Variants in VPS52 observed in about 807,000 individuals in gnomAD.
VPS52 encodes the protein vacuolar protein sorting-associated protein 52 homolog.
A neutral mutation model predicts 98.7 loss-of-function variants in VPS52; 56 were observed. The observed-to-expected ratio is 0.57, with a 90% CI of 0.46 to 0.71. VPS52 has a LOEUF of 0.71. VPS52 is among the 30% of genes least tolerant of loss of function. The pLI is 0.00. For missense variants in VPS52, 742 were observed against 925.9 expected (o/e 0.80, Z 2.58); for synonymous variants, 348 against 346.4 (o/e 1.00, Z -0.05).
At chr6:33,265,358 G>T (rs1366994064) in intron 12 of VPS52, among the ~76,000 whole-genome samples, 2 of 152,144 alleles carry the variant, frequency 1.3e-5, no homozygotes, top group East Asian at 1.9e-4. Context: ...TTACAGGTGT[G>T]AGCCACTGCA....
At position 33,266,638 on chromosome 6, in the gene VPS52, G is replaced by A; in HGVS notation, c.1200C>T (p.Ile400=). 6.2e-7 allele frequency: 1 copy of A among 1,613,024 alleles called. No homozygotes were observed. The highest frequency in any genetic ancestry group is 8.5e-7 in the Non-Finnish European group (1 of 1,179,994). Residue 400 remains isoleucine, a synonymous_variant, in exon 12 of 20, where the codon ATC becomes ATT. Transcript: ENST00000445902. ...GGCCAGACACAACAAAAAATTCACA[G>A]ATGAAAAGGTATTCGCGGCAGGAAT... ...LDNSCREYLF[I]CEFFVVSGPA...
Position 33,264,841 on chromosome 6 carries a change from G to C in VPS52, c.1341C>G (p.Ile447Met), listed in dbSNP as rs1192015829. 3.1e-6 allele frequency: 5 copies of C among 1,613,064 alleles called. No individual in the cohort carries two copies. In the East Asian group the frequency reaches 1.1e-4, roughly 36 times the overall value. ...TGTTACGGAACCGGAGAACAATGTG[G>C]ATACAGAGAAAAACAGCAATGGCAT... ...CYDAIAVFLC[I>M]HIVLRFRNIA... The change falls in exon 13 of 20, where the codon ATC (isoleucine) becomes ATG (methionine). Residue 447 changes from isoleucine to methionine, a missense_variant. Ile to Met is a conservative substitution (Grantham distance 10). This residue lies in a region of VPS52 where 590 missense variants were observed against 793.3 expected (regional missense o/e 0.74). Transcript: ENST00000445902.
chr6:33,271,209 C>T, intron 1 of VPS52: 4 of 594,250 alleles, frequency 6.7e-6, no homozygotes, highest in Non-Finnish European at 1.2e-5. Context: ...TTCTATCTTC[C>T]TCACCTTAAA....
In VPS52 at chr6:33,268,296, T is replaced by A. The variant is rs1006833102; in HGVS notation, c.700-88A>T. ...TGGGGGAAGCAACAAATGGTAAACA[T>A]AGGCAGAAGGGTGGTGAATATCTCT... On this transcript the variant is annotated intron_variant, in intron 7 of 19. Transcript: ENST00000445902. The surrounding 1 kb of genome is among the most constrained non-coding windows in gnomAD (Gnocchi z 4.0). 2 of 1,422,830 alleles carry A rather than the reference T, an allele frequency of 1.4e-6. No homozygotes were observed. Among genetic ancestry groups the A allele is most frequent in the Non-Finnish European group, 2.0e-6 (2 of 1,013,878 alleles). 88.1% of individuals were successfully genotyped at this position (1,422,830 alleles called of 1,614,324 possible).
At chr6:33,266,861 G>A in intron 11 of VPS52, 149 bp from the exon 12 acceptor site, 1 of 1,085,868 alleles carries the variant, frequency 9.2e-7, no homozygotes, top group Non-Finnish European at 1.3e-6. Flanking sequence ...CTAAGAGCAA[G>A]CTGAATGGGC....
At position 33,251,615 on chromosome 6, in the gene VPS52, C is replaced by T. The variant is rs200762480; in HGVS notation, c.1928G>A (p.Arg643His). Residue 643 changes from arginine to histidine, a missense_variant, in exon 19 of 20, where the codon CGT (arginine) becomes CAT (histidine). By Grantham distance (29) the Arg-to-His change is conservative. Transcript: ENST00000445902. ...GEEARVTQLI[R>H]GFGSSWKSSV... ...TGATTTCCAGGAACTACCAAAGCCACGGATCAGCTGAGTTACCCGGGCTAA... is the reference window on the plus strand; with the variant it reads ...TGATTTCCAGGAACTACCAAAGCCATGGATCAGCTGAGTTACCCGGGCTAA... 5.0e-6 allele frequency: 8 copies of T among 1,613,800 alleles called. No homozygotes were observed. Among genetic ancestry groups the T allele is most frequent in the East Asian group, 2.2e-5 (1 of 44,880 alleles).
rs979910864 is a variant in VPS52, at chr6:33,268,100, G to A, written c.800+8C>T. On this transcript the variant is annotated splice_region_variant and intron_variant, in intron 8 of 19. Transcript: ENST00000445902. The surrounding 1 kb of genome is among the most constrained non-coding windows in gnomAD (Gnocchi z 4.0). ...AGGCCATCCCATGCACTTCCTTGGGGTTGTGACCTGTACTTCAGCAGGGCC... is the reference window on the plus strand; with the variant it reads ...AGGCCATCCCATGCACTTCCTTGGGATTGTGACCTGTACTTCAGCAGGGCC... The A allele has an allele frequency of 6.2e-7, 1 of 1,612,958 alleles. No homozygotes were observed. The highest frequency in any genetic ancestry group is 8.5e-7 in the Non-Finnish European group (1 of 1,180,038).
intron 17 of VPS52, among the ~76,000 whole-genome samples, chr6:33,253,092 AGTTTCTTCCAAAAATAAATT>A (rs1762498618): frequency 6.6e-6 from 1 of 152,218 alleles, no homozygotes; most frequent in Non-Finnish European, 1.5e-5. Flanking sequence ...TCAATAACTC[AGTTTCTTCCAAAAATAAATT>A]GCAGAGGAGA....
chr6:33,271,267 C>T (rs1765024947), intron 1 of VPS52: 1 of 615,440 alleles, frequency 1.6e-6, no homozygotes, highest in Non-Finnish European at 2.9e-6. Flanking sequence ...TGCCCAAGGG[C>T]ACACAGCGTG....
At chr6:33,256,833 C>T (rs1763032725) in intron 17 of VPS52, among the ~76,000 whole-genome samples, 1 of 134,502 alleles carries the variant, frequency 7.4e-6, no homozygotes, top group Non-Finnish European at 1.6e-5. Flanking sequence ...AAGAGTGAGA[C>T]TCTGTCTAAA....
At position 33,263,504 on chromosome 6, in the gene VPS52, G is replaced by A. The variant is rs202165984; in HGVS notation, c.1774C>T (p.Leu592=). 41 of 1,613,780 alleles carry A rather than the reference G, an allele frequency of 2.5e-5. No homozygotes were observed. In the East Asian group the frequency reaches 8.7e-4, roughly 34 times the overall value. ...CCTACCTGTGTCCGAGCATTGAGCA[G>A]CTGCTGGAAGCTCTCAACCTCTTTG... is the stretch of plus-strand genomic sequence containing the variant. ...DSKEVESFQQ[L]LNARTQEFIE... is the part of the protein sequence containing the mutation. The change falls in exon 17 of 20, where the codon CTG becomes TTG. Residue 592 remains leucine, a synonymous_variant. Coordinates refer to ENST00000445902, the MANE Select transcript of VPS52 (RefSeq NM_022553.6).
chr6:33,269,365 C>G (rs1010216600), intron 5 of VPS52, 125 bp downstream of exon 5: 1 of 1,459,712 alleles, frequency 6.9e-7, no homozygotes, highest in Non-Finnish European at 9.5e-7. Flanking sequence ...AAAAAAGGCT[C>G]CTGAAGTCAT....
intron 1 of VPS52, 42 bp downstream of exon 1, chr6:33,271,544 G>A: frequency 7.7e-6 from 12 of 1,567,244 alleles, no homozygotes; most frequent in Non-Finnish European, 1.0e-5. Context: ...CTGAAGCTAG[G>A]AGCACCGGAA....
In VPS52 at chr6:33,250,888, T is replaced by C; in HGVS notation, c.2125A>G (p.Ile709Val). 6.2e-7 allele frequency: 1 copy of C among 1,612,906 alleles called. No homozygotes were observed. ...TTGAGCTCCACCATAAGGTGGTGAA[T>C]GTTGATGAGCTCAGCCCGGGCAGGG... ...ALPARAELIN[I>V]HHLMVELKKH... Residue 709 changes from isoleucine to valine, a missense_variant, in exon 20 of 20, where the codon ATT (isoleucine) becomes GTT (valine). Transcript: ENST00000445902.
chr6:33,254,141 G>C (rs139929105), intron 17 of VPS52, among the ~76,000 whole-genome samples: 286 of 152,112 alleles, frequency 1.9e-3, no homozygotes, highest in South Asian at 4.4e-3. Flanking sequence ...AGGTGTGGTG[G>C]TGCATGCCTG....
chr6:33,258,503 A>C (rs1763269792), intron 17 of VPS52, among the ~76,000 whole-genome samples: 1 of 152,034 alleles, frequency 6.6e-6, no homozygotes, highest in African/African-American at 2.4e-5. Context: ...ACTAAAAGAT[A>C]ATCTGTAACC....
At position 33,267,917 on chromosome 6, in the gene VPS52, T is replaced by C; in HGVS notation, c.881A>G (p.Lys294Arg). The C allele has an allele frequency of 6.2e-6, 10 of 1,613,128 alleles. No individual in the cohort carries two copies. The highest frequency in any genetic ancestry group is 8.5e-6 in the Non-Finnish European group (10 of 1,180,034). The change falls in exon 9 of 20, where the codon AAG (lysine) becomes AGG (arginine). Residue 294 changes from lysine to arginine, a missense_variant. Transcript: ENST00000445902. This position sits in a 1 kb window ranked among gnomAD's most constrained non-coding sequence, Gnocchi z 4.2. ...IRDEYVETLS[K>R]IYLSYYRSYL... ...AGAGCGGTAGTAAGACAGGTAAATC[T>C]TGCTCAGCGTCTCCACATATTCATC... is the stretch of plus-strand genomic sequence containing the variant.
rs747997846 is a variant in VPS52, at chr6:33,264,501, T to C, written c.1401-4A>G. The C allele has an allele frequency of 6.2e-7, 1 of 1,613,896 alleles. No homozygotes were observed. The highest frequency in any genetic ancestry group is 1.7e-5 in the Admixed American group (1 of 59,960). On this transcript the variant is annotated splice_polypyrimidine_tract_variant and splice_region_variant and intron_variant, in intron 13 of 19. Transcript: ENST00000445902. The stretch of plus-strand genomic sequence containing the variant: ...GGCAAGCACCTGTTCCCAGTACCTG[T>C]GGGCTTAATCAGAATCAGAGGTCAG...
chr6:33,271,682 C>T lies in VPS52; in HGVS notation c.-7G>A, dbSNP rs1203148796. 3.7e-6 allele frequency: 6 copies of T among 1,604,606 alleles called. No homozygotes were observed. The highest frequency in any genetic ancestry group is 1.1e-5 in the South Asian group (1 of 89,898). ...TGGTCGCAGCGGCGGCCATTCCCCGCAGCCTCACTTCCGGCAACTGTCAGT... is the reference window on the plus strand; with the variant it reads ...TGGTCGCAGCGGCGGCCATTCCCCGTAGCCTCACTTCCGGCAACTGTCAGT... On this transcript the variant is annotated 5_prime_UTR_variant, in exon 1 of 20. Coordinates refer to ENST00000445902, the MANE Select transcript of VPS52 (RefSeq NM_022553.6).
Sources: gnomAD v4.1 joint callset for allele counts (sites outside exome capture counted in the v4.1 genomes callset) on GRCh38, gnomAD v4.1.1 for gene constraint, gnomAD v4.1.1 regional missense constraint, Gnocchi (gnomAD v3.1) non-coding constraint, MANE v1.5 for transcripts, NCBI Gene and HGNC (gene_info 2026-07-23, HGNC 2026-07-21) for gene names.